TENM3: variants seen among roughly 807,000 people sequenced by gnomAD.
TENM3 encodes the protein teneurin transmembrane protein 3.
In TENM3, 63 loss-of-function variants were observed where a neutral mutation model predicts 255.1. The ratio of observed to expected loss-of-function variants is 0.25; its 90% confidence interval spans 0.20 to 0.30. TENM3 has a LOEUF of 0.30. Among genes scored for constraint, TENM3 ranks in the 10% least tolerant of loss-of-function variants. The pLI is 1.00. For synonymous variants in TENM3, 1,306 were observed against 1,322.3 expected, an observed-to-expected ratio of 0.99 and a Z score of 0.27; for missense variants, 2,929 against 3,461.1, an observed-to-expected ratio of 0.85 and a Z score of 3.86.
chr4:182,486,313 T>TTGG (rs1554074636), intron 3 of TENM3, among the ~76,000 whole-genome samples: 1 of 12,120 alleles, frequency 8.3e-5, no homozygotes, highest in Non-Finnish European at 1.7e-4. Context: ...TTTAATTGTG[T>TTGG]GTGGGGGGGA....
At chr4:182,616,761 C>A (rs1201922867) in intron 4 of TENM3, among the ~76,000 whole-genome samples, 1 of 152,050 alleles carries the variant, frequency 6.6e-6, no homozygotes, top group Non-Finnish European at 1.5e-5. Context: ...AATAGCTAGG[C>A]ATTTGAGCAG....
chr4:182,045,519 G>A, the TENM3 span, among the ~76,000 whole-genome samples: 5 of 151,952 alleles, frequency 3.3e-5, no homozygotes, highest in African/African-American at 1.2e-4. Context: ...AGGTCATTGC[G>A]TTTTTTTAAG....
chr4:182,296,171 C>G (rs2150348109), intron 1 of TENM3, among the ~76,000 whole-genome samples: 1 of 152,202 alleles, frequency 6.6e-6, no homozygotes, highest in East Asian at 1.9e-4. Flanking sequence ...CCACGTTGGT[C>G]AGGCTGGTCT....
Position 182,789,105 on chromosome 4 carries a change from A to T in TENM3, c.5317A>T (p.Asn1773Tyr). 1 of 1,606,868 alleles carries T rather than the reference A, an allele frequency of 6.2e-7. No individual in the cohort carries two copies. Among genetic ancestry groups the T allele is most frequent in the Non-Finnish European group, 8.5e-7 (1 of 1,174,580 alleles). Residue 1773 changes from asparagine (N) to tyrosine (Y), a missense_variant, in exon 25 of 28, where the codon AAC (asparagine) becomes TAC (tyrosine). Physicochemically the swap from Asn to Tyr is moderately radical, Grantham distance 143. Coordinates refer to ENST00000511685, the MANE Select transcript of TENM3 (RefSeq NM_001080477.4). The surrounding 1 kb of genome is among the most constrained non-coding windows in gnomAD (Gnocchi z 4.4). ...GGTGTTGTAACAGGTTAATGGCAGA[A>T]ACCTCCTTTCAGTTGACTTTGATCG... is the stretch of plus-strand genomic sequence containing the variant. ...FGRKLRVNGR[N>Y]LLSVDFDRTT...
chr4:181,960,681 C>T, the TENM3 span, among the ~76,000 whole-genome samples: 2 of 152,142 alleles, frequency 1.3e-5, no homozygotes, highest in Non-Finnish European at 2.9e-5. Context: ...AATCTCCCAA[C>T]ATCTATAATT....
At chr4:182,458,241 A>G (rs1184008308) in intron 3 of TENM3, among the ~76,000 whole-genome samples, 2 of 152,128 alleles carry the variant, frequency 1.3e-5, no homozygotes, top group Non-Finnish European at 2.9e-5. Flanking sequence ...TTATGCTTTT[A>G]TTGACATTTC....
chr4:182,024,106 T>TG, the TENM3 span, among the ~76,000 whole-genome samples: 2 of 151,152 alleles, frequency 1.3e-5, no homozygotes, highest in Admixed American at 1.3e-4. Flanking sequence ...AATATAGATT[T>TG]GGGGGAAAAA....
At chr4:182,746,739 G>A (rs993713586) in intron 19 of TENM3, among the ~76,000 whole-genome samples, 1 of 152,160 alleles carries the variant, frequency 6.6e-6, no homozygotes, top group East Asian at 1.9e-4. Flanking sequence ...AAAACAGGAT[G>A]GTTAGCAGTG....
chr4:181,641,790 TATATACACACACACC>T, the TENM3 span, among the ~76,000 whole-genome samples: 17 of 103,108 alleles, frequency 1.6e-4, no homozygotes, highest in African/African-American at 6.6e-4. Flanking sequence ...ACACCATATA[TATATACACACACACC>T]ATATATATAT....
At chr4:181,532,882 A>G in the TENM3 span, among the ~76,000 whole-genome samples, 2 of 152,194 alleles carry the variant, frequency 1.3e-5, no homozygotes, top group African/African-American at 2.4e-5. Context: ...CATTCTGAGA[A>G]TTCTGTATAT....
intron 4 of TENM3, among the ~76,000 whole-genome samples, chr4:182,622,585 A>T (rs1750398604): frequency 6.6e-6 from 1 of 152,230 alleles, no homozygotes; most frequent in Non-Finnish European, 1.5e-5. Context: ...TCCCGTGGAG[A>T]AACAGCATAC....
intron 16 of TENM3, 52 bp from the exon 17 acceptor site, chr4:182,736,756 C>G: frequency 5.4e-6 from 8 of 1,489,264 alleles, no homozygotes; most frequent in South Asian, 2.5e-5. Context: ...TATATTTTAT[C>G]TAATCGTCAT....
chr4:181,924,977 T>A, the TENM3 span, among the ~76,000 whole-genome samples: 1 of 152,248 alleles, frequency 6.6e-6, no homozygotes, highest in African/African-American at 2.4e-5. Flanking sequence ...ATTATGAGGA[T>A]GAATAGCCTT....
the TENM3 span, among the ~76,000 whole-genome samples, chr4:182,061,392 G>A: frequency 6.6e-6 from 1 of 152,064 alleles, no homozygotes; most frequent in Non-Finnish European, 1.5e-5. Flanking sequence ...AAACTGCAAA[G>A]TTACTGAAAA....
At chr4:181,498,491 G>T in the TENM3 span, among the ~76,000 whole-genome samples, 1 of 152,120 alleles carries the variant, frequency 6.6e-6, no homozygotes, top group Non-Finnish European at 1.5e-5. Context: ...TAAGACGATG[G>T]TAAAGGATGC....
At chr4:181,821,766 A>G in the TENM3 span, 1 of 152,192 alleles carries the variant, frequency 6.6e-6, no homozygotes, top group Non-Finnish European at 1.5e-5. Context: ...ATGAATGAAT[A>G]ATAATAGTGA....
At chr4:181,919,002 C>A in the TENM3 span, among the ~76,000 whole-genome samples, 2,075 of 152,276 alleles carry the variant, frequency 0.014, 51 homozygotes, top group African/African-American at 0.047. Context: ...TATCCCCACT[C>A]CCCAAAATAA....
At chr4:182,670,232 A>T (rs767588746) in intron 6 of TENM3, among the ~76,000 whole-genome samples, 1 of 152,218 alleles carries the variant, frequency 6.6e-6, no homozygotes, top group Non-Finnish European at 1.5e-5. Flanking sequence ...TCTACAGTTT[A>T]TAATCTAAGA....
At chr4:181,495,842 A>G in the TENM3 span, among the ~76,000 whole-genome samples, 1 of 151,564 alleles carries the variant, frequency 6.6e-6, no homozygotes, top group Non-Finnish European at 1.5e-5. Flanking sequence ...TAAACTGGCA[A>G]AAAGCTAGAA....
Sources: gnomAD v4.1 joint callset for allele counts (sites outside exome capture counted in the v4.1 genomes callset) on GRCh38, gnomAD v4.1.1 for gene constraint, Gnocchi (gnomAD v3.1) non-coding constraint, MANE v1.5 for transcripts, NCBI Gene and HGNC (gene_info 2026-07-23, HGNC 2026-07-21) for gene names.